Variants in PTPN12 observed in about 807,000 individuals in gnomAD.
PTPN12 encodes protein tyrosine phosphatase non-receptor type 12, also known as tyrosine-protein phosphatase non-receptor type 12.
Under a neutral mutation model 97.6 loss-of-function variants are expected in PTPN12, and 29 were observed. The observed-to-expected ratio is 0.30, with a 90% CI of 0.22 to 0.41. The LOEUF is 0.41. Among genes scored for constraint, PTPN12 ranks in the 10% least tolerant of loss-of-function variants. PTPN12 has a pLI of 1.00. For synonymous variants in PTPN12, 327 were observed against 300.4 expected, an observed-to-expected ratio of 1.09 and a Z score of -0.91; for missense variants, 819 against 926.0, an observed-to-expected ratio of 0.88 and a Z score of 1.50.
At chr7:77,603,445 G>GT (rs1392500731) in intron 8 of PTPN12, among the ~76,000 whole-genome samples, 1 of 152,180 alleles carries the variant, frequency 6.6e-6, no homozygotes, top group Non-Finnish European at 1.5e-5. Flanking sequence ...TAAAACTCGA[G>GT]AATGTGTCCT....
intron 1 of PTPN12, among the ~76,000 whole-genome samples, chr7:77,569,873 G>A (rs770508399): frequency 5.9e-5 from 9 of 152,178 alleles, no homozygotes; most frequent in Non-Finnish European, 1.3e-4. Flanking sequence ...GTACAATTCA[G>A]AGACAGGGTC....
chr7:77,548,043 C>G (rs983186335), intron 1 of PTPN12, among the ~76,000 whole-genome samples: 1 of 152,098 alleles, frequency 6.6e-6, no homozygotes, highest in African/African-American at 2.4e-5. Flanking sequence ...ACAGTAGGAC[C>G]TTTTAAAAAT....
At chr7:77,595,391 G>T (rs1020814317) in intron 6 of PTPN12, among the ~76,000 whole-genome samples, 3 of 152,170 alleles carry the variant, frequency 2.0e-5, no homozygotes, top group Non-Finnish European at 4.4e-5. Flanking sequence ...CTTTTCTAGA[G>T]CTCTCTCTCG....
At chr7:77,609,347 C>T (rs1240168610) in intron 9 of PTPN12, among the ~76,000 whole-genome samples, 1 of 146,862 alleles carries the variant, frequency 6.8e-6, no homozygotes, top group Non-Finnish European at 1.5e-5. Context: ...TCTCGGCTCA[C>T]TGCAACCTCT....
At chr7:77,599,317 C>CTTT (rs10624183) in intron 7 of PTPN12, among the ~76,000 whole-genome samples, 2,545 of 123,842 alleles carry the variant, frequency 0.021, 127 homozygotes, top group African/African-American at 0.058. Flanking sequence ...AGCGCCCCGA[C>CTTT]TTTTTTTTTT....
At chr7:77,553,437 CTA>C (rs1464099026) in intron 1 of PTPN12, among the ~76,000 whole-genome samples, 9 of 152,172 alleles carry the variant, frequency 5.9e-5, no homozygotes, top group Non-Finnish European at 1.2e-4. Context: ...CCTTGCAGTT[CTA>C]TCAGTTTTGG....
At chr7:77,593,099 T>C (rs532580582) in intron 6 of PTPN12, among the ~76,000 whole-genome samples, 2 of 151,982 alleles carry the variant, frequency 1.3e-5, no homozygotes, top group Non-Finnish European at 2.9e-5. Context: ...CAAAACTCCT[T>C]TTCTACTAAA....
At chr7:77,633,300 G>T (rs1789469801) in intron 14 of PTPN12, among the ~76,000 whole-genome samples, 1 of 151,142 alleles carries the variant, frequency 6.6e-6, no homozygotes, top group African/African-American at 2.4e-5. Context: ...AAGTGTATTT[G>T]CAATCTGGTG....
At chr7:77,538,612 C>T (rs1482440363) in intron 1 of PTPN12, among the ~76,000 whole-genome samples, 1 of 151,816 alleles carries the variant, frequency 6.6e-6, no homozygotes, top group African/African-American at 2.4e-5. Context: ...GGTTAAAAGT[C>T]TTGTTCATGA....
At position 77,537,418 on chromosome 7, in the gene PTPN12, C is replaced by G; in HGVS notation, c.-129C>G. The G allele has an allele frequency of 8.1e-7, 1 of 1,236,734 alleles. No individual in the cohort carries two copies. Among genetic ancestry groups the G allele is most frequent in the East Asian group, 3.8e-5 (1 of 26,570 alleles). The allele number at this position is 1,236,734 out of a possible 1,614,324, so 76.6% of individuals were successfully genotyped here. On this transcript the variant is annotated 5_prime_UTR_variant, in exon 1 of 18. Transcript: ENST00000248594. ...AGGGCGGTGGGGAGGAGGAGGGAGC[C>G]GCGGGGCTTGGCGGGGTCGGGAGGG...
At chr7:77,593,621 C>A (rs56265941) in intron 6 of PTPN12, among the ~76,000 whole-genome samples, 40,495 of 152,182 alleles carry the variant, frequency 0.27, 5,501 homozygotes, top group Non-Finnish European at 0.28. Context: ...CTTCAGGAGG[C>A]TGGTCCTTTT....
chr7:77,605,409 G>GGTTTTGTTTTTT (rs1554321255), intron 8 of PTPN12, among the ~76,000 whole-genome samples: 1 of 95,560 alleles, frequency 1.0e-5, no homozygotes, highest in Non-Finnish European at 2.0e-5. Context: ...TTTGTCATGA[G>GGTTTTGTTTTTT]TTTTTTTTTT....
At chr7:77,542,550 G>C (rs1166491166) in intron 1 of PTPN12, among the ~76,000 whole-genome samples, 1 of 152,194 alleles carries the variant, frequency 6.6e-6, no homozygotes, top group Non-Finnish European at 1.5e-5. Context: ...TGGGGAAATA[G>C]AGTGTATACA....
intron 1 of PTPN12, among the ~76,000 whole-genome samples, chr7:77,566,785 T>C (rs1404192063): frequency 2.6e-5 from 4 of 152,172 alleles, no homozygotes; most frequent in Non-Finnish European, 5.9e-5. Flanking sequence ...GTTTGTTTTC[T>C]TAGCTTTTTT....
At chr7:77,594,940 A>G (rs1787978632) in intron 6 of PTPN12, among the ~76,000 whole-genome samples, 1 of 152,250 alleles carries the variant, frequency 6.6e-6, no homozygotes, top group Non-Finnish European at 1.5e-5. Flanking sequence ...ATTTACAATA[A>G]TGGATATAAG....
intron 6 of PTPN12, among the ~76,000 whole-genome samples, chr7:77,595,787 C>T (rs1437206246): frequency 1.3e-5 from 2 of 152,086 alleles, no homozygotes; most frequent in Non-Finnish European, 2.9e-5. Flanking sequence ...AAACAACATA[C>T]ACTGTTGTTC....
intron 1 of PTPN12, among the ~76,000 whole-genome samples, chr7:77,550,148 C>T (rs565395115): frequency 6.6e-6 from 1 of 152,194 alleles, no homozygotes; most frequent in Admixed American, 6.5e-5. Flanking sequence ...ATTCTATTTG[C>T]CTACTCACCT....
At chr7:77,561,088 G>GT (rs1318378057) in intron 1 of PTPN12, among the ~76,000 whole-genome samples, 1 of 151,868 alleles carries the variant, frequency 6.6e-6, no homozygotes, top group Non-Finnish European at 1.5e-5. Context: ...TTTGTTTTTT[G>GT]TTTTTTGTTT....
At position 77,627,465 on chromosome 7, in the gene PTPN12, A is replaced by G; in HGVS notation, c.1786A>G (p.Ser596Gly). The change falls in exon 13 of 18, where the codon AGT (serine) becomes GGT (glycine). Residue 596 changes from serine to glycine, a missense_variant. Transcript: ENST00000248594. The stretch of plus-strand genomic sequence containing the variant: ...TTCACCACTCTTCAGAACACCCCTC[A>G]GTTTTACTAATCCACTTCACTCTGA... ...NTSPLFRTPLSFTNPLHSDDS... is the reference protein window; with the variant it reads ...NTSPLFRTPLGFTNPLHSDDS... 1 of 1,613,914 alleles carries G rather than the reference A, an allele frequency of 6.2e-7. No individual in the cohort carries two copies.
Sources: allele counts gnomAD v4.1 joint callset (sites outside exome capture counted in the v4.1 genomes callset), GRCh38; gene constraint gnomAD v4.1.1; transcripts MANE v1.5; gene names NCBI Gene and HGNC (gene_info 2026-07-23, HGNC 2026-07-21).